Variants in SIK2 observed in about 807,000 individuals in gnomAD.
SIK2 encodes the protein serine/threonine-protein kinase SIK2.
SIK2 carries 29 observed loss-of-function variants against 103.2 expected under a neutral mutation model. The observed-to-expected ratio is 0.28, with a 90% CI of 0.21 to 0.38. The LOEUF (loss-of-function observed/expected upper bound fraction) is 0.38. Among genes scored for constraint, SIK2 ranks in the 10% least tolerant of loss-of-function variants. The pLI is 1.00. For synonymous variants in SIK2, 412 were observed against 446.1 expected (o/e 0.92, Z 0.96); for missense variants, 879 against 1,171.0 (o/e 0.75, Z 3.64).
chr11:111,698,501 G>A (rs943443240), intron 4 of SIK2, among the ~76,000 whole-genome samples: 1 of 152,224 alleles, frequency 6.6e-6, no homozygotes, highest in African/African-American at 2.4e-5. Context: ...CAGCACTTTG[G>A]GAGGCCACAG....
chr11:111,700,854 G>A, intron 4 of SIK2, 32 bp from the exon 5 acceptor site: 1 of 1,611,612 alleles, frequency 6.2e-7, no homozygotes. Context: ...TGAGAGCATA[G>A]ATGAAAATAA....
chr11:111,660,281 G>A (rs1942450203), intron 3 of SIK2, among the ~76,000 whole-genome samples: 1 of 152,060 alleles, frequency 6.6e-6, no homozygotes, highest in Non-Finnish European at 1.5e-5. Context: ...TCTGGAGGGT[G>A]GAAGGGAATG....
rs200488723 is a variant in SIK2, at chr11:111,696,095, G to A, written c.479-4791G>A. ...GGCCTAGTTGATTTTCATGAGAGTC[G>A]ATAACTGATCTGTAATTAAAGACTC... On this transcript the variant is annotated intron_variant, in intron 4 of 14. Transcript: ENST00000304987. 1.2e-4 allele frequency among the ~76,000 whole-genome samples: 18 copies of A among 152,186 alleles called. No individual in the cohort carries two copies. In the East Asian group the frequency reaches 2.7e-3, roughly 23 times the overall value.
At chr11:111,678,426 T>C (rs917094312) in intron 3 of SIK2, among the ~76,000 whole-genome samples, 3 of 152,208 alleles carry the variant, frequency 2.0e-5, no homozygotes, top group African/African-American at 7.2e-5. Context: ...TAGTGTAACT[T>C]TCTTTCTTAA....
chr11:111,700,545 T>C (rs1943189081), intron 4 of SIK2, among the ~76,000 whole-genome samples: 1 of 152,258 alleles, frequency 6.6e-6, no homozygotes, highest in Admixed American at 6.5e-5. Flanking sequence ...TTAGCAGTCA[T>C]CAGGTAATTG....
Position 111,728,923 on chromosome 11 carries a change from C to CAA in SIK2, c.*4808_*4809dup, listed in dbSNP as rs753877747. ...TGGGCGACAGAGCAAGACTCCACCT[C>CAA]AAAAAAAAAAAAAAAGACAAGAGCA... On this transcript the variant is annotated 3_prime_UTR_variant, in exon 15 of 15. Transcript: ENST00000304987. 15 of 91,116 alleles carry CAA rather than the reference C, an allele frequency of 1.6e-4. No homozygotes were observed. In the East Asian group the frequency reaches 2.2e-3, roughly 13 times the overall value. The allele number at this position is 91,116 out of a possible 1,614,324, so 5.6% of individuals were successfully genotyped here.
At chr11:111,630,901 T>C (rs577507253) in intron 3 of SIK2, among the ~76,000 whole-genome samples, 19 of 152,176 alleles carry the variant, frequency 1.2e-4, no homozygotes, top group Admixed American at 2.6e-4. Flanking sequence ...AAGGAAAGAA[T>C]TGAGGGGTAA....
intron 3 of SIK2, among the ~76,000 whole-genome samples, chr11:111,628,782 G>A (rs1834565276): frequency 6.6e-6 from 1 of 151,958 alleles, no homozygotes; most frequent in South Asian, 2.1e-4. Flanking sequence ...CCTAAATAAT[G>A]TGCTTGTACT....
chr11:111,610,155 T>G (rs1307433187), intron 1 of SIK2, among the ~76,000 whole-genome samples: 4 of 152,206 alleles, frequency 2.6e-5, no homozygotes, highest in Admixed American at 2.0e-4. Flanking sequence ...ATGAGATTAG[T>G]ATTTCTTTTA....
In SIK2 at chr11:111,719,837, G is replaced by A; in HGVS notation, c.1329G>A (p.Leu443=). 1 of 1,614,088 alleles carries A rather than the reference G, an allele frequency of 6.2e-7. No individual in the cohort carries two copies. Among genetic ancestry groups the A allele is most frequent in the African/African-American group, 1.3e-5 (1 of 74,996 alleles). The change falls in exon 10 of 15, where the codon CTG becomes CTA. Residue 443 remains leucine (L), a synonymous_variant. Coordinates refer to ENST00000304987, the MANE Select transcript of SIK2 (RefSeq NM_015191.3). ...PVLVRKGCQS[L]PSNMMETSID... ...TGGTGCGGAAGGGATGCCAGTCACT[G>A]CCCAGCAACATGATGGAGACCTCCA...
chr11:111,610,657 T>G (rs991429850), intron 1 of SIK2, among the ~76,000 whole-genome samples: 8 of 152,184 alleles, frequency 5.3e-5, no homozygotes, highest in African/African-American at 1.9e-4. Flanking sequence ...AAATTTCACA[T>G]TGTTAGAAAC....
intron 9 of SIK2, among the ~76,000 whole-genome samples, chr11:111,715,231 C>A (rs1943605737): frequency 6.6e-6 from 1 of 152,190 alleles, no homozygotes; most frequent in Non-Finnish European, 1.5e-5. Context: ...CTTTGTGGAC[C>A]GTTTTATTTA....
intron 1 of SIK2, among the ~76,000 whole-genome samples, chr11:111,608,846 A>T (rs766310220): frequency 2.0e-5 from 3 of 152,168 alleles, no homozygotes; most frequent in Non-Finnish European, 4.4e-5. Flanking sequence ...GAGTATGTAC[A>T]TTACCTATCT....
chr11:111,610,862 G>C (rs1472823849), intron 1 of SIK2, among the ~76,000 whole-genome samples: 2 of 152,130 alleles, frequency 1.3e-5, no homozygotes, highest in Non-Finnish European at 2.9e-5. Flanking sequence ...GCACAGAAAA[G>C]TACAAAGCAG....
intron 3 of SIK2, among the ~76,000 whole-genome samples, chr11:111,639,773 T>C (rs1440863304): frequency 6.6e-6 from 1 of 152,162 alleles, no homozygotes; most frequent in Non-Finnish European, 1.5e-5. Flanking sequence ...GGAAGGGGAC[T>C]AAGACTTGCC....
In SIK2 at chr11:111,692,350, C is replaced by CAAA. The variant is rs763369049; in HGVS notation, c.478+4224_478+4226dup. ...TAGGCAACAGAGCGAGACTCAGTCTCAAAAAAAAAAAAAAAAAAAAAAAAA... is the reference window on the plus strand; with the variant it reads ...TAGGCAACAGAGCGAGACTCAGTCTCAAAAAAAAAAAAAAAAAAAAAAAAAAAA... On this transcript the variant is annotated intron_variant, in intron 4 of 14. Coordinates refer to ENST00000304987, the MANE Select transcript of SIK2 (RefSeq NM_015191.3). Among the ~76,000 whole-genome samples, 13 of 26,488 alleles carry CAAA rather than the reference C, an allele frequency of 4.9e-4. 1 individual carries two copies. Among genetic ancestry groups the CAAA allele is most frequent in the Admixed American group, 1.4e-3 (2 of 1,436 alleles). 17.4% of individuals were successfully genotyped at this position (26,488 alleles called of 152,430 possible).
rs550390902 is a variant in SIK2 at position 111,675,503 on chromosome 11, T to C, written c.317-12498T>C. 2.6e-5 allele frequency among the ~76,000 whole-genome samples: 4 copies of C among 152,326 alleles called. No individual in the cohort carries two copies. The South Asian group carries it at 8.3e-4, about 32-fold the overall frequency. On this transcript the variant is annotated intron_variant, in intron 3 of 14. Transcript: ENST00000304987. ...GCAGCTGGCCCTTCCCTTTCACTGT[T>C]TTCTTTCTTTTCTCTGACAAGTGAC...
chr11:111,698,146 A>G (rs1317285159), intron 4 of SIK2, among the ~76,000 whole-genome samples: 1 of 152,224 alleles, frequency 6.6e-6, no homozygotes, highest in Non-Finnish European at 1.5e-5. Flanking sequence ...AAGTTTCTAT[A>G]TTCATATTAC....
At chr11:111,654,699 CA>C in intron 3 of SIK2, among the ~76,000 whole-genome samples, 1 of 152,190 alleles carries the variant, frequency 6.6e-6, no homozygotes, top group African/African-American at 2.4e-5. Context: ...CACCTAAATA[CA>C]AGTGAGAATT....
Sources: gnomAD v4.1 joint callset for allele counts (sites outside exome capture counted in the v4.1 genomes callset) on GRCh38, gnomAD v4.1.1 for gene constraint, MANE v1.5 for transcripts, NCBI Gene and HGNC (gene_info 2026-07-23, HGNC 2026-07-21) for gene names.